Variants in ZNF362 observed in about 807,000 individuals in gnomAD.
ZNF362 encodes the protein zinc finger protein 362, also known as rotund homolog.
A neutral mutation model predicts 42.9 loss-of-function variants in ZNF362; 11 were observed. The ratio of observed to expected loss-of-function variants is 0.26; its 90% CI spans 0.16 to 0.42. The LOEUF (loss-of-function observed/expected upper bound fraction) is 0.42, where lower values mean the gene tolerates loss of function less well. Among genes scored for constraint, ZNF362 ranks in the 20% least tolerant of loss-of-function variants. The pLI, the probability that ZNF362 is intolerant of heterozygous loss-of-function variation, is 1.00. For missense variants in ZNF362, 362 were observed against 576.2 expected (o/e 0.63, Z 3.81); for synonymous variants, 255 against 257.3 (o/e 0.99, Z 0.09).
At chr1:33,150,232 G>A in the ZNF362 span, among the ~76,000 whole-genome samples, 1 of 152,348 alleles carries the variant, frequency 6.6e-6, no homozygotes, top group South Asian at 2.1e-4. Flanking sequence ...TGGACATCCA[G>A]CTCTCTGGCT....
chr1:33,171,262 C>T, the ZNF362 span, among the ~76,000 whole-genome samples: 4 of 152,340 alleles, frequency 2.6e-5, no homozygotes, highest in East Asian at 1.9e-4. Flanking sequence ...ACACTGGTAA[C>T]GGCAGAGACC....
At chr1:33,149,052 C>T in the ZNF362 span, among the ~76,000 whole-genome samples, 13 of 152,224 alleles carry the variant, frequency 8.5e-5, no homozygotes, top group African/African-American at 2.4e-4. Context: ...TTGCAACCAC[C>T]CCCAGAGGCT....
At chr1:33,251,529 G>A (rs565056993), upstream of ZNF362, among the ~76,000 whole-genome samples, 2 of 152,068 alleles carry the variant, frequency 1.3e-5, no homozygotes, top group African/African-American at 2.4e-5. Context: ...TGGACCTTTT[G>A]GAGAAAACTC....
chr1:33,211,181 C>T, the ZNF362 span, among the ~76,000 whole-genome samples: 1 of 152,148 alleles, frequency 6.6e-6, no homozygotes. Flanking sequence ...GATCTGCCCT[C>T]GCTAGCCTCC....
chr1:33,286,688 C>T (rs1646035353), intron 6 of ZNF362, among the ~76,000 whole-genome samples: 1 of 152,068 alleles, frequency 6.6e-6, no homozygotes, highest in African/African-American at 2.4e-5. Context: ...CCCAGAACTC[C>T]CAGGATTCTT....
the ZNF362 span, among the ~76,000 whole-genome samples, chr1:33,246,558 G>C: frequency 1.3e-5 from 2 of 152,212 alleles, no homozygotes; most frequent in African/African-American, 2.4e-5. Flanking sequence ...CCAGTTCAGA[G>C]GGCTGAGGTC....
chr1:33,161,944 C>T, the ZNF362 span, among the ~76,000 whole-genome samples: 2 of 152,158 alleles, frequency 1.3e-5, no homozygotes, highest in Admixed American at 6.5e-5. The surrounding 1 kb of genome is among the most constrained non-coding windows in gnomAD (Gnocchi z 4.3). Flanking sequence ...CCCCCATTTT[C>T]AACTTGAACT....
chr1:33,128,543 A>G, the ZNF362 span, among the ~76,000 whole-genome samples: 2 of 152,204 alleles, frequency 1.3e-5, no homozygotes, highest in Admixed American at 1.3e-4. Flanking sequence ...AGATTGGGAA[A>G]GTCTCTGCCT....
the ZNF362 span, among the ~76,000 whole-genome samples, chr1:33,217,583 T>A: frequency 6.6e-6 from 1 of 152,222 alleles, no homozygotes; most frequent in Admixed American, 6.5e-5. Flanking sequence ...GGAAGCAAGA[T>A]CTTCTGACTG....
chr1:33,241,140 G>A, the ZNF362 span, among the ~76,000 whole-genome samples: 1 of 150,582 alleles, frequency 6.6e-6, no homozygotes, highest in Admixed American at 6.7e-5. Context: ...TTTTAGGTAA[G>A]GTGAATCTGA....
At chr1:33,179,572 G>A in the ZNF362 span, among the ~76,000 whole-genome samples, 1,376 of 152,112 alleles carry the variant, frequency 9.0e-3, 22 homozygotes, top group African/African-American at 0.031. Context: ...GCTTCCAAAC[G>A]CTCCACAGTG....
chr1:33,201,575 A>C, the ZNF362 span, among the ~76,000 whole-genome samples: 1 of 152,354 alleles, frequency 6.6e-6, no homozygotes, highest in South Asian at 2.1e-4. Flanking sequence ...AGACAAATTA[A>C]AATATTTTGA....
the ZNF362 span, among the ~76,000 whole-genome samples, chr1:33,191,321 G>A: frequency 6.6e-6 from 1 of 152,114 alleles, no homozygotes; most frequent in Admixed American, 6.5e-5. Flanking sequence ...AGGATGGTAA[G>A]TGCAGAAGCT....
the ZNF362 span, among the ~76,000 whole-genome samples, chr1:33,234,992 T>C: frequency 2.0e-5 from 3 of 152,232 alleles, no homozygotes; most frequent in East Asian, 3.9e-4. Flanking sequence ...TTGGGCTTCC[T>C]CACTCCCCCT....
At chr1:33,142,516 A>G in the ZNF362 span, 11 of 152,274 alleles carry the variant, frequency 7.2e-5, no homozygotes, top group African/African-American at 2.7e-4. Context: ...ACTAGAATAG[A>G]TACCTAACCC....
chr1:33,130,326 G>T, the ZNF362 span, among the ~76,000 whole-genome samples: 1 of 152,220 alleles, frequency 6.6e-6, no homozygotes, highest in Non-Finnish European at 1.5e-5. Context: ...AATAGAATAT[G>T]TTAGAAGTGA....
chr1:33,230,452 A>T, the ZNF362 span, among the ~76,000 whole-genome samples: 2 of 152,208 alleles, frequency 1.3e-5, no homozygotes, highest in Non-Finnish European at 2.9e-5. Context: ...AAGCAAAACC[A>T]GTCATGGCTC....
chr1:33,161,711 G>A, the ZNF362 span, among the ~76,000 whole-genome samples: 6 of 152,154 alleles, frequency 3.9e-5, no homozygotes, highest in South Asian at 2.1e-4. The surrounding 1 kb of genome is among the most constrained non-coding windows in gnomAD (Gnocchi z 4.3). Context: ...GATGGGGTCC[G>A]TCGTCCCTGC....
the ZNF362 span, among the ~76,000 whole-genome samples, chr1:33,201,755 T>C: frequency 6.6e-6 from 1 of 151,760 alleles, no homozygotes; most frequent in Non-Finnish European, 1.5e-5. Flanking sequence ...AAGAAATAAA[T>C]GATAAAGATG....
Sources: allele counts gnomAD v4.1 joint callset (sites outside exome capture counted in the v4.1 genomes callset), GRCh38; gene constraint gnomAD v4.1.1; non-coding constraint Gnocchi (gnomAD v3.1); transcripts MANE v1.5; gene names NCBI Gene and HGNC (gene_info 2026-07-23, HGNC 2026-07-21).